The following KCNB2 variants were observed in gnomAD, a reference collection of about 807,000 sequenced individuals.
KCNB2 encodes the protein potassium voltage-gated channel subfamily B member 2.
KCNB2 carries 15 observed loss-of-function variants against 61.5 expected under a neutral mutation model. The observed-to-expected ratio is 0.24, with a 90% CI of 0.16 to 0.38. The LOEUF (loss-of-function observed/expected upper bound fraction) is 0.38. Among genes scored for constraint, KCNB2 ranks in the 10% least tolerant of loss-of-function variants. The pLI, the probability that KCNB2 is intolerant of heterozygous loss-of-function variation, is 1.00. For synonymous variants in KCNB2, 457 were observed against 446.0 expected (o/e 1.02, Z -0.31); for missense variants, 828 against 1,125.2 (o/e 0.74, Z 3.78).
intron 2 of KCNB2, among the ~76,000 whole-genome samples, chr8:72,752,732 T>C (rs1808214458): frequency 6.6e-6 from 1 of 152,232 alleles, no homozygotes; most frequent in Non-Finnish European, 1.5e-5. Context: ...TCGATATAGA[T>C]ATATTTCCCA....
intron 1 of KCNB2, among the ~76,000 whole-genome samples, chr8:72,551,010 AG>A (rs1442663376): frequency 2.6e-5 from 4 of 152,156 alleles, no homozygotes; most frequent in African/African-American, 9.7e-5. Context: ...AGTAGCTAGC[AG>A]GGGCCTACAC....
At chr8:72,634,313 A>C (rs908491309) in intron 2 of KCNB2, among the ~76,000 whole-genome samples, 1 of 152,202 alleles carries the variant, frequency 6.6e-6, no homozygotes, top group Admixed American at 6.5e-5. Flanking sequence ...CTCAGAGTGC[A>C]GACTAGGATT....
At chr8:72,894,175 C>T (rs1393724493) in intron 2 of KCNB2, among the ~76,000 whole-genome samples, 1 of 152,144 alleles carries the variant, frequency 6.6e-6, no homozygotes, top group Non-Finnish European at 1.5e-5. Flanking sequence ...GCCAGCAATG[C>T]AACAGTGTGC....
intron 2 of KCNB2, among the ~76,000 whole-genome samples, chr8:72,703,093 T>C (rs1211055182): frequency 2.6e-5 from 4 of 152,222 alleles, no homozygotes; most frequent in Non-Finnish European, 5.9e-5. Context: ...CAATGAATGC[T>C]TAATCAGAAG....
chr8:72,720,741 A>G (rs568960706), intron 2 of KCNB2, among the ~76,000 whole-genome samples: 30 of 152,308 alleles, frequency 2.0e-4, no homozygotes, highest in Non-Finnish European at 3.7e-4. Context: ...TAATGAACAT[A>G]GGTTGGGTTT....
chr8:72,702,817 G>C (rs1807155965), intron 2 of KCNB2, among the ~76,000 whole-genome samples: 1 of 152,126 alleles, frequency 6.6e-6, no homozygotes, highest in Non-Finnish European at 1.5e-5. Flanking sequence ...CTTAGAAGAG[G>C]CTCTGGAAGC....
chr8:72,753,510 G>A (rs1808235956), intron 2 of KCNB2, among the ~76,000 whole-genome samples: 1 of 152,102 alleles, frequency 6.6e-6, no homozygotes, highest in African/African-American at 2.4e-5. Context: ...TTACACACTG[G>A]GAAGTACAGA....
intron 2 of KCNB2, among the ~76,000 whole-genome samples, chr8:72,590,026 T>C (rs1807069740): frequency 6.6e-6 from 1 of 152,068 alleles, no homozygotes; most frequent in Admixed American, 6.5e-5. Context: ...TCCACAAATT[T>C]CACTGACGTA....
chr8:72,730,652 T>G (rs1022195971), intron 2 of KCNB2, among the ~76,000 whole-genome samples: 1 of 152,204 alleles, frequency 6.6e-6, no homozygotes, highest in Non-Finnish European at 1.5e-5. Flanking sequence ...ATACTTTTAC[T>G]TTGAATACTG....
intron 2 of KCNB2, among the ~76,000 whole-genome samples, chr8:72,849,662 G>A (rs1259698700): frequency 6.6e-6 from 1 of 152,174 alleles, no homozygotes; most frequent in African/African-American, 2.4e-5. Context: ...CTTTTAAAGT[G>A]AGAAAGTTAA....
chr8:72,647,425 A>G (rs535715104), intron 2 of KCNB2, among the ~76,000 whole-genome samples: 17 of 152,316 alleles, frequency 1.1e-4, no homozygotes, highest in African/African-American at 3.4e-4. Context: ...ACGGAAATTA[A>G]TATAAATTTT....
At chr8:72,683,275 C>T (rs759274432) in intron 2 of KCNB2, among the ~76,000 whole-genome samples, 1 of 152,154 alleles carries the variant, frequency 6.6e-6, no homozygotes, top group Non-Finnish European at 1.5e-5. Context: ...TATTCCCCTT[C>T]AAAGGTTTTG....
At chr8:72,716,083 A>G (rs1807433000) in intron 2 of KCNB2, among the ~76,000 whole-genome samples, 1 of 152,230 alleles carries the variant, frequency 6.6e-6, no homozygotes, top group Admixed American at 6.5e-5. Context: ...AAATTCCTTG[A>G]CACATACACC....
At chr8:72,589,130 A>G (rs1807047385) in intron 2 of KCNB2, among the ~76,000 whole-genome samples, 1 of 152,302 alleles carries the variant, frequency 6.6e-6, no homozygotes, top group African/African-American at 2.4e-5. Flanking sequence ...TAGGCAGTCC[A>G]GAGCCCACAC....
At chr8:72,771,291 G>T (rs118068174) in intron 2 of KCNB2, among the ~76,000 whole-genome samples, 3,845 of 152,246 alleles carry the variant, frequency 0.025, 67 homozygotes, top group South Asian at 0.066. Flanking sequence ...TGAAAAGCAG[G>T]GAGTTTTGCT....
At chr8:72,597,313 C>T (rs762784754) in intron 2 of KCNB2, among the ~76,000 whole-genome samples, 4 of 152,056 alleles carry the variant, frequency 2.6e-5, no homozygotes, top group Admixed American at 6.6e-5. Context: ...GGATTACAGG[C>T]GTGAGCCACC....
intron 2 of KCNB2, among the ~76,000 whole-genome samples, chr8:72,762,873 A>G (rs1036182945): frequency 4.1e-4 from 44 of 106,660 alleles, no homozygotes; most frequent in Middle Eastern, 4.9e-3. Flanking sequence ...AAAGTAAATC[A>G]TATTAACAAA....
At chr8:72,714,033 T>G (rs1039224691) in intron 2 of KCNB2, among the ~76,000 whole-genome samples, 1 of 152,040 alleles carries the variant, frequency 6.6e-6, no homozygotes, top group Non-Finnish European at 1.5e-5. Flanking sequence ...CAGTAACCGA[T>G]GCAATCAACT....
chr8:72,832,615 G>C (rs1289245170), intron 2 of KCNB2, among the ~76,000 whole-genome samples: 1 of 152,184 alleles, frequency 6.6e-6, no homozygotes, highest in Non-Finnish European at 1.5e-5. Context: ...AAGGGTCTGA[G>C]ACTTAACCCG....
Sources: allele counts gnomAD v4.1 joint callset (sites outside exome capture counted in the v4.1 genomes callset), GRCh38; gene constraint gnomAD v4.1.1; transcripts MANE v1.5; gene names NCBI Gene and HGNC (gene_info 2026-07-23, HGNC 2026-07-21).